CXXC1: variants seen among roughly 807,000 people sequenced by gnomAD.
The protein encoded by CXXC1 is CXXC finger protein 1.
In CXXC1, 21 loss-of-function variants were observed where a neutral mutation model predicts 83.6. The observed-to-expected ratio is 0.25, with a 90% CI of 0.18 to 0.36. The LOEUF (loss-of-function observed/expected upper bound fraction) is 0.36. Ranked by LOEUF, CXXC1 falls within the 10% of genes least tolerant of loss-of-function variation. The pLI is 1.00. For missense variants in CXXC1, 688 were observed against 919.5 expected (o/e 0.75, Z 3.26); for synonymous variants, 371 against 337.5 (o/e 1.10, Z -1.09).
Position 50,285,487 on chromosome 18 carries a change from CCCTG to C in CXXC1, c.640-140_640-137del. The C allele has an allele frequency of 8.5e-7, 1 of 1,172,226 alleles. No homozygotes were observed. The highest frequency in any genetic ancestry group is 1.2e-6 in the Non-Finnish European group (1 of 841,762). 72.6% of individuals were successfully genotyped at this position (1,172,226 alleles called of 1,614,324 possible). A position where few individuals can be genotyped will look rare whatever the true frequency, so the allele number is the denominator to read the frequency against. ...ACCCCTCATTGCCAGGAATGCTCAG[CCCTG>C]CCTGATCTGTACCAACATGCATGAC... is the stretch of plus-strand genomic sequence containing the variant. On this transcript the variant is annotated intron_variant, in intron 5 of 14. Transcript: ENST00000285106. The surrounding 1 kb of genome is among the most constrained non-coding windows in gnomAD (Gnocchi z 4.4).
Position 50,282,801 on chromosome 18 carries a change from C to T in CXXC1, c.1824+53G>A, listed in dbSNP as rs2040551114. The T allele has an allele frequency of 1.1e-5, 17 of 1,611,818 alleles. No individual in the cohort carries two copies. The highest frequency in any genetic ancestry group is 4.5e-5 in the East Asian group (2 of 44,828). ...CCTGCAGCCCCGCCTGCCCCGGCCACGTCCGACATGGAAACCTACCACATG... is the reference window on the plus strand; with the variant it reads ...CCTGCAGCCCCGCCTGCCCCGGCCATGTCCGACATGGAAACCTACCACATG... On this transcript the variant is annotated intron_variant, in intron 14 of 14. Coordinates refer to ENST00000285106, the MANE Select transcript of CXXC1 (RefSeq NM_014593.4). This position sits in a 1 kb window ranked among gnomAD's most constrained non-coding sequence, Gnocchi z 5.8.
In CXXC1 at chr18:50,285,208, G is replaced by C. The variant is rs544114063; in HGVS notation, c.706C>G (p.Arg236Gly). 6.2e-6 allele frequency: 10 copies of C among 1,614,048 alleles called. No individual in the cohort carries two copies. In the African/African-American group the frequency reaches 1.2e-4, roughly 19 times the overall value. ...VTPSESLPRPRRPLPTQQQPQ... is the reference protein window; with the variant it reads ...VTPSESLPRPGRPLPTQQQPQ... ...TGCTGTTGGGTGGGCAGTGGCCGGC[G>C]GGGCCTTGGCAGGGACTCTGAGGGC... The change falls in exon 7 of 15, where the codon CGC becomes GGC. Residue 236 changes from arginine (R) to glycine (G), a missense_variant. Around this residue, in one of 9 missense-constraint regions of CXXC1, gnomAD observed 190 missense variants for 199.7 expected, o/e 0.95. Transcript: ENST00000285106. The surrounding 1 kb of genome is among the most constrained non-coding windows in gnomAD (Gnocchi z 4.4).
intron 3 of CXXC1, 132 bp from the exon 4 acceptor site, chr18:50,286,389 C>A: frequency 9.4e-7 from 1 of 1,064,738 alleles, no homozygotes; most frequent in Non-Finnish European, 1.4e-6. Context: ...GGCAGAGCTG[C>A]CTCTTCCCGT....
intron 3 of CXXC1, 121 bp from the exon 4 acceptor site, chr18:50,286,378 G>T: frequency 9.1e-7 from 1 of 1,096,734 alleles, no homozygotes; most frequent in Non-Finnish European, 1.3e-6. Context: ...CCCCTGTCCA[G>T]GGCAGAGCTG....
At chr18:50,287,149 GT>G (rs2040727713) in intron 1 of CXXC1, 2 of 525,680 alleles carry the variant, frequency 3.8e-6, no homozygotes, top group African/African-American at 1.9e-5. Flanking sequence ...CAGACCCCGC[GT>G]AACTCACTGC....
chr18:50,283,521 A>G lies in CXXC1; in HGVS notation c.1568T>C (p.Ile523Thr). The G allele has an allele frequency of 6.2e-7, 1 of 1,612,996 alleles. No homozygotes were observed. The highest frequency in any genetic ancestry group is 8.5e-7 in the Non-Finnish European group (1 of 1,179,724). ...TSFGSMYPTRIEGATRLFCDV... is the reference protein window; with the variant it reads ...TSFGSMYPTRTEGATRLFCDV... ...GCGTGGCACCCTCACTTACCCTTCA[A>G]TGCGTGTGGGGTACATGGACCCAAA... The change falls in exon 12 of 15, where the codon ATT becomes ACT. Residue 523 changes from isoleucine (I) to threonine (T), a missense_variant. Around this residue, in one of 9 missense-constraint regions of CXXC1, gnomAD observed 114 missense variants for 173.3 expected, o/e 0.66. Transcript: ENST00000285106.
At chr18:50,286,431 T>C in intron 3 of CXXC1, 108 bp downstream of exon 3, 4 of 1,107,356 alleles carry the variant, frequency 3.6e-6, no homozygotes, top group Non-Finnish European at 5.4e-6. Flanking sequence ...TGGAGCCCCA[T>C]TCCAGCTCAC....
chr18:50,286,080 C>G lies in CXXC1; in HGVS notation c.401G>C (p.Arg134Pro). 1 of 1,613,930 alleles carries G rather than the reference C, an allele frequency of 6.2e-7. No individual in the cohort carries two copies. Among genetic ancestry groups the G allele is most frequent in the Non-Finnish European group, 8.5e-7 (1 of 1,179,962 alleles). Reference protein sequence around the residue: ...SGTGVGAMLARGSASPHKSSP... With the variant: ...SGTGVGAMLAPGSASPHKSSP... Reference sequence around the variant, plus strand: ...GGATTTGTGGGGCGAAGCAGAGCCCCGAGCAAGCATGGCCCCAACCCCTGT... The same window carrying G: ...GGATTTGTGGGGCGAAGCAGAGCCCGGAGCAAGCATGGCCCCAACCCCTGT... The change falls in exon 4 of 15, where the codon CGG becomes CCG. Residue 134 changes from arginine (R) to proline (P), a missense_variant. Arg to Pro is a moderately radical substitution (Grantham distance 103). Around this residue, in one of 9 missense-constraint regions of CXXC1, gnomAD observed 142 missense variants for 150.7 expected, o/e 0.94. Coordinates refer to ENST00000285106, the MANE Select transcript of CXXC1 (RefSeq NM_014593.4).
Position 50,286,871 on chromosome 18 carries a change from C to G in CXXC1, c.4-13G>C, listed in dbSNP as rs375461190. On this transcript the variant is annotated splice_polypyrimidine_tract_variant and intron_variant, in intron 1 of 14. Transcript: ENST00000285106. The stretch of plus-strand genomic sequence containing the variant: ...AACCATCTCCCTCCTGCAGGACACC[C>G]CCATTACGGATCCTTAAGCAGCCCC... 4.0e-5 allele frequency: 63 copies of G among 1,577,508 alleles called. 1 individual carries two copies. The Middle Eastern group carries it at 5.0e-4, about 13-fold the overall frequency.
chr18:50,284,076 G>C lies in CXXC1; in HGVS notation c.1231C>G (p.Arg411Gly). Residue 411 changes from arginine to glycine, a missense_variant, in exon 10 of 15, where the codon CGC (arginine) becomes GGC (glycine). This residue lies in a region of CXXC1 where 100 missense variants were observed against 142.5 expected (regional missense o/e 0.70). Coordinates refer to ENST00000285106, the MANE Select transcript of CXXC1 (RefSeq NM_014593.4). ...GGGCTCTGCTGCCACTGCTGGATGC[G>C]CTGGGGGAGGATCTCGTAGATGCGG... The part of the protein sequence containing the change: ...ANRIYEILPQ[R>G]IQQWQQSPCI... The C allele has an allele frequency of 6.2e-7, 1 of 1,608,192 alleles. No homozygotes were observed. The highest frequency in any genetic ancestry group is 8.5e-7 in the Non-Finnish European group (1 of 1,178,764).
In CXXC1 at chr18:50,285,862, G is replaced by A; in HGVS notation, c.526C>T (p.Arg176Trp). The change falls in exon 5 of 15, where the codon CGG becomes TGG. Residue 176 changes from arginine to tryptophan, a missense_variant. Coordinates refer to ENST00000285106, the MANE Select transcript of CXXC1 (RefSeq NM_014593.4). This position sits in a 1 kb window ranked among gnomAD's most constrained non-coding sequence, Gnocchi z 4.4. ...CAGTGACCACAGTCCTCAGTGCGCCGACATGCCTCACACTCACCACACATG... is the reference window on the plus strand; with the variant it reads ...CAGTGACCACAGTCCTCAGTGCGCCAACATGCCTCACACTCACCACACATG... ...ARMCGECEAC[R>W]RTEDCGHCDF... 2.5e-6 allele frequency: 4 copies of A among 1,614,206 alleles called. No individual in the cohort carries two copies. The highest frequency in any genetic ancestry group is 3.4e-6 in the Non-Finnish European group (4 of 1,180,038).
At position 50,285,258 on chromosome 18, in the gene CXXC1, G is replaced by A. The variant is rs1215670992; in HGVS notation, c.667-11C>T. 4 of 1,614,042 alleles carry A rather than the reference G, an allele frequency of 2.5e-6. No homozygotes were observed. The highest frequency in any genetic ancestry group is 3.4e-6 in the Non-Finnish European group (4 of 1,179,948). On this transcript the variant is annotated splice_polypyrimidine_tract_variant and intron_variant, in intron 6 of 14. Coordinates refer to ENST00000285106, the MANE Select transcript of CXXC1 (RefSeq NM_014593.4). The surrounding 1 kb of genome is among the most constrained non-coding windows in gnomAD (Gnocchi z 4.4). The stretch of plus-strand genomic sequence containing the variant: ...CGTCACTGGTGAGAGCTGCAGGGCA[G>A]AATCTCAGGACTGGCCCTGACCGCC...
rs146287219 is a variant in CXXC1, at chr18:50,284,017, G to A, written c.1290C>T (p.Leu430=). 6.4e-5 allele frequency: 104 copies of A among 1,612,718 alleles called. No individual in the cohort carries two copies. Among genetic ancestry groups the A allele is most frequent in the African/African-American group, 3.2e-4 (24 of 75,036 alleles). The part of the protein sequence containing the change: ...CIAEEHGKKL[L]ERIRREQQSA... ...TCTGCTGCTCTCGGCGAATGCGTTC[G>A]AGCAGCTTCTTGCCGTGCTCTTCAG... The change falls in exon 10 of 15, where the codon CTC becomes CTT. Residue 430 remains leucine, a synonymous_variant. Transcript: ENST00000285106.
At position 50,282,863 on chromosome 18, in the gene CXXC1, G is replaced by A. The variant is rs747527862; in HGVS notation, c.1815C>T (p.Arg605=). 5 of 1,614,026 alleles carry A rather than the reference G, an allele frequency of 3.1e-6. No individual in the cohort carries two copies. The highest frequency in any genetic ancestry group is 1.6e-4 in the Middle Eastern group (1 of 6,084). The part of the protein sequence containing the change: ...KLRRAEVDLE[R]VRVWYKLDEL... The stretch of plus-strand genomic sequence containing the variant: ...CCGCACAGAAACCTACCACACGCAC[G>A]CGCTCCAAGTCCACTTCCGCACGCC... The change falls in exon 14 of 15, where the codon CGC becomes CGT. Residue 605 remains arginine, a synonymous_variant. Coordinates refer to ENST00000285106, the MANE Select transcript of CXXC1 (RefSeq NM_014593.4). This position sits in a 1 kb window ranked among gnomAD's most constrained non-coding sequence, Gnocchi z 5.8.
rs1464215976 is a variant in CXXC1 at position 50,283,265 on chromosome 18, T to C, written c.1671A>G (p.Lys557=). ...VLCPEHSRDP[K]VPADEVCGCP... ...GGGAGGAGCTGAGGGAAAACCTTAC[T>C]TTGGGGTCCCGTGAGTGCTCGGGGC... The change falls in exon 13 of 15, where the codon AAA becomes AAG. Residue 557 remains lysine, a splice_region_variant and synonymous_variant. Transcript: ENST00000285106. 6.2e-7 allele frequency: 1 copy of C among 1,613,686 alleles called. No homozygotes were observed. The highest frequency in any genetic ancestry group is 2.2e-5 in the East Asian group (1 of 44,880).
intron 9 of CXXC1, 36 bp downstream of exon 9, chr18:50,284,342 T>C (rs2149297937): frequency 1.3e-6 from 2 of 1,518,446 alleles, no homozygotes; most frequent in South Asian, 2.6e-5. Context: ...TACCATGCAC[T>C]TCCTGACTCC....
chr18:50,284,908 T>C, intron 7 of CXXC1, 69 bp from the exon 8 acceptor site: 1 of 1,612,702 alleles, frequency 6.2e-7, no homozygotes, highest in South Asian at 1.1e-5. Context: ...TCATGTCCCA[T>C]ATCAGCCTTC....
At position 50,285,241 on chromosome 18, in the gene CXXC1, G is replaced by T. The variant is rs1235387505; in HGVS notation, c.673C>A (p.Pro225Thr). The change falls in exon 7 of 15, where the codon CCA becomes ACA. Residue 225 changes from proline to threonine, a missense_variant. Pro to Thr is a conservative substitution (Grantham distance 38, BLOSUM62 -1). This residue lies in a region of CXXC1 where 190 missense variants were observed against 199.7 expected (regional missense o/e 0.95). Coordinates refer to ENST00000285106, the MANE Select transcript of CXXC1 (RefSeq NM_014593.4). The surrounding 1 kb of genome is among the most constrained non-coding windows in gnomAD (Gnocchi z 4.4). ...SYKYFPSSLS[P>T]VTPSESLPRP... ...GGCAGGGACTCTGAGGGCGTCACTG[G>T]TGAGAGCTGCAGGGCAGAATCTCAG... 1 of 1,614,132 alleles carries T rather than the reference G, an allele frequency of 6.2e-7. No homozygotes were observed. The highest frequency in any genetic ancestry group is 2.2e-5 in the East Asian group (1 of 44,878).
At position 50,282,719 on chromosome 18, in the gene CXXC1, C is replaced by T. The variant is rs754104759; in HGVS notation, c.1845G>A (p.Leu615=). Residue 615 remains leucine, a synonymous_variant, in exon 15 of 15, where the codon CTG becomes CTA. Transcript: ENST00000285106. The surrounding 1 kb of genome is among the most constrained non-coding windows in gnomAD (Gnocchi z 5.8). The stretch of plus-strand genomic sequence containing the variant: ...TGCGCACATTGCGCTCCTGCTCAAA[C>T]AGCTCGTCCAGCTTGTACCACTGCC... The part of the protein sequence containing the change: ...RVRVWYKLDE[L]FEQERNVRTA... The T allele has an allele frequency of 5.0e-6, 8 of 1,614,040 alleles. No homozygotes were observed. The South Asian group carries it at 8.8e-5, about 18-fold the overall frequency.
Sources: allele counts gnomAD v4.1 joint callset, GRCh38; gene constraint gnomAD v4.1.1; regional missense constraint gnomAD v4.1.1; non-coding constraint Gnocchi (gnomAD v3.1); transcripts MANE v1.5; gene names NCBI Gene and HGNC (gene_info 2026-07-23, HGNC 2026-07-21).